The following SORL1 variants were observed in gnomAD, a reference collection of about 807,000 sequenced individuals.
The protein encoded by SORL1 is sortilin-related receptor.
Under a neutral mutation model 273.7 loss-of-function variants are expected in SORL1, and 127 were observed. The ratio of observed to expected loss-of-function variants is 0.46; its 90% confidence interval spans 0.40 to 0.54. The LOEUF (loss-of-function observed/expected upper bound fraction) is 0.54, where lower values mean the gene tolerates loss of function less well. SORL1 is among the 20% of genes least tolerant of loss of function. SORL1 has a pLI of 0.00. For synonymous variants in SORL1, 1,031 were observed against 1,067.4 expected, an observed-to-expected ratio of 0.97 and a Z score of 0.66; for missense variants, 2,494 against 2,846.1, an observed-to-expected ratio of 0.88 and a Z score of 2.81.
chr11:121,482,563 C>T (rs574256774), intron 3 of SORL1, among the ~76,000 whole-genome samples: 41 of 152,344 alleles, frequency 2.7e-4, no homozygotes, highest in Admixed American at 2.4e-3. Flanking sequence ...AATGATGACT[C>T]TTAACAGTGC....
chr11:121,463,132 G>T (rs186336575), intron 1 of SORL1, among the ~76,000 whole-genome samples: 4 of 152,176 alleles, frequency 2.6e-5, no homozygotes, highest in Non-Finnish European at 4.4e-5. Context: ...GCACATGGCC[G>T]TGTGTTTTCA....
Position 121,595,495 on chromosome 11 carries a change from T to G in SORL1, c.4370-128T>G. 1.2e-6 allele frequency: 1 copy of G among 830,198 alleles called. No homozygotes were observed. Among genetic ancestry groups the G allele is most frequent in the African/African-American group, 1.7e-5 (1 of 58,314 alleles). 51.4% of individuals were successfully genotyped at this position (830,198 alleles called of 1,614,324 possible). A position where few individuals can be genotyped will look rare whatever the true frequency, so the allele number is the denominator to read the frequency against. On this transcript the variant is annotated intron_variant, in intron 31 of 47. Transcript: ENST00000260197. The surrounding 1 kb of genome is among the most constrained non-coding windows in gnomAD (Gnocchi z 5.1). ...ATCTACTCTGCTCTCTATCCGGAAC[T>G]CGCATTTGTCTTCAGGTTCCCATTG... is the stretch of plus-strand genomic sequence containing the variant.
At chr11:121,589,089 G>A (rs1043892425) in intron 28 of SORL1, among the ~76,000 whole-genome samples, 170 bp from the exon 29 acceptor site, 1 of 152,220 alleles carries the variant, frequency 6.6e-6, no homozygotes, top group African/African-American at 2.4e-5. Flanking sequence ...AATTAACAAA[G>A]TGTGTGCTCT....
At position 121,452,537 on chromosome 11, in the gene SORL1, C is replaced by T. The variant is rs1400363267; in HGVS notation, c.206C>T (p.Ala69Val). The T allele has an allele frequency of 1.0e-5, 15 of 1,487,246 alleles. No homozygotes were observed. Among genetic ancestry groups the T allele is most frequent in the Admixed American group, 2.3e-5 (1 of 43,702 alleles). 92.1% of individuals were successfully genotyped at this position (1,487,246 alleles called of 1,614,324 possible). ...RLWARGDARG[A>V]SRADEKPLRR... ...TGGGCGCGCGGGGATGCCAGGGGGG[C>T]GAGCCGCGCGGACGAGAAGCCGCTC... Residue 69 changes from alanine (A) to valine (V), a missense_variant, in exon 1 of 48, where the codon GCG becomes GTG. This residue lies in a region of SORL1 where 175 missense variants were observed against 147.1 expected (regional missense o/e 1.19). Transcript: ENST00000260197. The surrounding 1 kb of genome is among the most constrained non-coding windows in gnomAD (Gnocchi z 5.3).
In SORL1 at chr11:121,550,486, A is replaced by T. The variant is rs911443396; in HGVS notation, c.2181-99A>T. On this transcript the variant is annotated intron_variant, in intron 15 of 47. Coordinates refer to ENST00000260197, the MANE Select transcript of SORL1 (RefSeq NM_003105.6). This position sits in a 1 kb window ranked among gnomAD's most constrained non-coding sequence, Gnocchi z 5.3. ...GTTCTAAAGAGAAATGAGTGGATGG[A>T]CTCTACTGGCCGTGGGTAGTAAGTG... 2 of 935,030 alleles carry T rather than the reference A, an allele frequency of 2.1e-6. No individual in the cohort carries two copies. The highest frequency in any genetic ancestry group is 3.2e-5 in the African/African-American group (2 of 61,814). 57.9% of individuals were successfully genotyped at this position (935,030 alleles called of 1,614,324 possible).
chr11:121,632,423 T>C lies in SORL1; in HGVS notation c.*2860T>C, dbSNP rs1863888564. 6.6e-6 allele frequency: 1 copy of C among 152,154 alleles called. No individual in the cohort carries two copies. Among genetic ancestry groups the C allele is most frequent in the Admixed American group, 6.6e-5 (1 of 15,258 alleles). The allele number at this position is 152,154 out of a possible 1,614,324, so 9.4% of individuals were successfully genotyped here. A position where few individuals can be genotyped will look rare whatever the true frequency, so the allele number is the denominator to read the frequency against. ...GTGAGAAGCTCCAGGAACTACTGGC[T>C]ACCTTGACAAGCTGGGTAAATAGTT... On this transcript the variant is annotated 3_prime_UTR_variant, in exon 48 of 48. Transcript: ENST00000260197.
rs1172444609 is a variant in SORL1 at position 121,630,913 on chromosome 11, T to C, written c.*1350T>C. 2.0e-5 allele frequency: 3 copies of C among 152,378 alleles called. No homozygotes were observed. The highest frequency in any genetic ancestry group is 4.1e-4 in the South Asian group (2 of 4,830). 9.4% of individuals were successfully genotyped at this position (152,378 alleles called of 1,614,324 possible). A position where few individuals can be genotyped will look rare whatever the true frequency, so the allele number is the denominator to read the frequency against. On this transcript the variant is annotated 3_prime_UTR_variant, in exon 48 of 48. Coordinates refer to ENST00000260197, the MANE Select transcript of SORL1 (RefSeq NM_003105.6). ...ATGCAAGCCCTTTATTTAGGCTTAG[T>C]GTTGTGGGCACCAATGTCGAGCATC... is the stretch of plus-strand genomic sequence containing the variant.
chr11:121,604,357 G>C (rs763825978), intron 33 of SORL1, 33 bp downstream of exon 33: 1 of 1,608,154 alleles, frequency 6.2e-7, no homozygotes, highest in Non-Finnish European at 8.5e-7. Flanking sequence ...GGCTGGGCTG[G>C]GCTGGGCTGG....
Position 121,566,946 on chromosome 11 carries a change from A to G in SORL1, c.3056A>G (p.Asn1019Ser), listed in dbSNP as rs142777955. The change falls in exon 22 of 48, where the codon AAT (asparagine) becomes AGT (serine). Residue 1019 changes from asparagine (N) to serine (S), a missense_variant. This residue lies in a region of SORL1 where 1,609 missense variants were observed against 1,816.4 expected (regional missense o/e 0.89). Coordinates refer to ENST00000260197, the MANE Select transcript of SORL1 (RefSeq NM_003105.6). ...IFYKGKNTGSNACVPRPCSLL... is the reference protein window; with the variant it reads ...IFYKGKNTGSSACVPRPCSLL... ...CTGTTTGTCTTCCCTCCAGGAAGCA[A>G]TGCCTGTGTGCCCAGGCCATGCAGC... 4.0e-5 allele frequency: 64 copies of G among 1,613,304 alleles called. No homozygotes were observed. In the African/African-American group the frequency reaches 7.9e-4, roughly 20 times the overall value.
Position 121,566,932 on chromosome 11 carries a change from C to T in SORL1, c.3050-8C>T, listed in dbSNP as rs748667359. 2.5e-6 allele frequency: 4 copies of T among 1,611,324 alleles called. No homozygotes were observed. The highest frequency in any genetic ancestry group is 3.4e-6 in the Non-Finnish European group (4 of 1,178,888). ...TAACCTACCTGCTGCTGTTTGTCTT[C>T]CCTCCAGGAAGCAATGCCTGTGTGC... On this transcript the variant is annotated splice_region_variant and splice_polypyrimidine_tract_variant and intron_variant, in intron 21 of 47. Transcript: ENST00000260197.
chr11:121,597,509 G>A (rs1210104219), intron 32 of SORL1, among the ~76,000 whole-genome samples: 1 of 151,474 alleles, frequency 6.6e-6, no homozygotes, highest in African/African-American at 2.4e-5. Flanking sequence ...CCAGGCTGGA[G>A]TGCAGGGGCG....
intron 3 of SORL1, among the ~76,000 whole-genome samples, chr11:121,478,621 C>T (rs1406679705): frequency 2.0e-5 from 3 of 152,216 alleles, no homozygotes; most frequent in East Asian, 1.9e-4. Flanking sequence ...TGTCTGCTTG[C>T]GTGCTTATGC....
rs61902964 is a variant in SORL1 at position 121,578,810 on chromosome 11, G to T, written c.3580+1410G>T. 1.5e-4 allele frequency among the ~76,000 whole-genome samples: 23 copies of T among 152,270 alleles called. No homozygotes were observed. In the South Asian group the frequency reaches 4.6e-3, roughly 30 times the overall value. ...AAAGTCCACCCATGTTCTTTCTGGC[G>T]CAGCCTCTGTGTCTGCACCTCTGCT... On this transcript the variant is annotated intron_variant, in intron 25 of 47. Transcript: ENST00000260197.
At chr11:121,468,679 C>T (rs1181239762) in intron 1 of SORL1, among the ~76,000 whole-genome samples, 3 of 152,062 alleles carry the variant, frequency 2.0e-5, no homozygotes, top group African/African-American at 7.2e-5. Context: ...CCTTGGCCTC[C>T]CAAAGTGCTG....
chr11:121,461,460 A>G (rs1318676227), intron 1 of SORL1, among the ~76,000 whole-genome samples: 3 of 152,160 alleles, frequency 2.0e-5, no homozygotes, highest in Non-Finnish European at 2.9e-5. Flanking sequence ...GGCATCTCCT[A>G]TTACTGAGAA....
intron 24 of SORL1, 101 bp downstream of exon 24, chr11:121,574,464 T>G: frequency 9.1e-7 from 1 of 1,095,268 alleles, no homozygotes; most frequent in Non-Finnish European, 1.3e-6. Flanking sequence ...GATAGCCGTC[T>G]CAGGATTTAT....
chr11:121,605,007 G>A (rs1863447195), intron 33 of SORL1, 106 bp from the exon 34 acceptor site: 2 of 859,620 alleles, frequency 2.3e-6, no homozygotes, highest in South Asian at 1.8e-5. Context: ...CTGAGCTCAG[G>A]CAATTTGCCC....
intron 31 of SORL1, among the ~76,000 whole-genome samples, chr11:121,594,716 T>C (rs1308441288): frequency 1.3e-5 from 2 of 152,252 alleles, no homozygotes; most frequent in Non-Finnish European, 2.9e-5. Flanking sequence ...TTTGGCTTTC[T>C]GCCTTTCATG....
intron 2 of SORL1, among the ~76,000 whole-genome samples, chr11:121,470,503 G>A (rs977796419): frequency 6.6e-6 from 1 of 152,218 alleles, no homozygotes; most frequent in African/African-American, 2.4e-5. Context: ...AGTGGGATGA[G>A]CTGTTGAAAC....
Sources: gnomAD v4.1 joint callset for allele counts (sites outside exome capture counted in the v4.1 genomes callset) on GRCh38, gnomAD v4.1.1 for gene constraint, gnomAD v4.1.1 regional missense constraint, Gnocchi (gnomAD v3.1) non-coding constraint, MANE v1.5 for transcripts, NCBI Gene and HGNC (gene_info 2026-07-23, HGNC 2026-07-21) for gene names.